The following METTL15 variants were observed in gnomAD, a reference collection of about 807,000 sequenced individuals.
METTL15 encodes 12S rRNA N(4)-cytidine methyltransferase METTL15.
METTL15 carries 34 observed loss-of-function variants against 38.3 expected under a neutral mutation model. That is an observed-to-expected ratio of 0.89 (90% CI 0.68 to 1.18). The LOEUF (loss-of-function observed/expected upper bound fraction) is 1.18, where lower values mean the gene tolerates loss of function less well. Among genes scored for constraint, METTL15 ranks in the 50% most tolerant of loss-of-function variants. The pLI is 0.00. For missense variants in METTL15, 438 were observed against 498.4 expected (o/e 0.88, Z 1.15); for synonymous variants, 162 against 170.9 (o/e 0.95, Z 0.41).
chr11:28,532,238 G>C, the METTL15 span, among the ~76,000 whole-genome samples: 1 of 151,916 alleles, frequency 6.6e-6, no homozygotes, highest in Non-Finnish European at 1.5e-5. Flanking sequence ...ATCACTTTTT[G>C]TTCCCTGTGT....
intron 3 of METTL15, among the ~76,000 whole-genome samples, chr11:28,193,547 CTA>C (rs1351374905): frequency 1.3e-5 from 2 of 152,058 alleles, no homozygotes; most frequent in African/African-American, 2.4e-5. Flanking sequence ...ACTTCCAACA[CTA>C]GGGATTACAA....
chr11:28,373,531 G>A (rs1850269859), intron 5 of METTL15, among the ~76,000 whole-genome samples: 1 of 152,178 alleles, frequency 6.6e-6, no homozygotes, highest in African/African-American at 2.4e-5. Context: ...GTTGTCAGAT[G>A]AGGAGGTTGC....
chr11:28,457,407 A>G (rs1057140104), intron 6 of METTL15, among the ~76,000 whole-genome samples: 2 of 152,224 alleles, frequency 1.3e-5, no homozygotes, highest in African/African-American at 2.4e-5. Flanking sequence ...GATCATGACA[A>G]TACTGTTTAT....
At chr11:28,377,560 C>G (rs1418044315) in intron 5 of METTL15, among the ~76,000 whole-genome samples, 2 of 151,430 alleles carry the variant, frequency 1.3e-5, no homozygotes, top group South Asian at 2.1e-4. Flanking sequence ...ATACATTCTT[C>G]TAAATTTTTT....
At chr11:28,233,640 G>A (rs1853790450) in intron 4 of METTL15, among the ~76,000 whole-genome samples, 1 of 151,902 alleles carries the variant, frequency 6.6e-6, no homozygotes, top group South Asian at 2.1e-4. Context: ...GCTAATTATT[G>A]TTACCATAAC....
chr11:28,207,864 C>T (rs1265477235), intron 3 of METTL15, among the ~76,000 whole-genome samples: 5 of 152,094 alleles, frequency 3.3e-5, no homozygotes, highest in African/African-American at 1.2e-4. Flanking sequence ...AGGAATTTAT[C>T]CATTTCTTCT....
chr11:28,481,316 C>T (rs1851393298), intron 6 of METTL15, among the ~76,000 whole-genome samples: 1 of 152,170 alleles, frequency 6.6e-6, no homozygotes, highest in Non-Finnish European at 1.5e-5. Flanking sequence ...ACCTCCAGAA[C>T]TACAGGACGA....
At chr11:28,301,135 C>G (rs1856899201) in intron 6 of METTL15, among the ~76,000 whole-genome samples, 1 of 152,136 alleles carries the variant, frequency 6.6e-6, no homozygotes, top group Non-Finnish European at 1.5e-5. Flanking sequence ...CCTGTCTTTT[C>G]ATCTTCCCCT....
intron 4 of METTL15, among the ~76,000 whole-genome samples, chr11:28,211,599 C>T (rs149434234): frequency 6.8e-4 from 103 of 152,040 alleles, no homozygotes; most frequent in African/African-American, 2.3e-3. Context: ...ACATATACAT[C>T]AACATAATAT....
chr11:28,146,960 G>A (rs549829373), intron 3 of METTL15, among the ~76,000 whole-genome samples: 1 of 151,962 alleles, frequency 6.6e-6, no homozygotes, highest in African/African-American at 2.4e-5. Context: ...TTTGCAAAGA[G>A]GGATTGATTA....
chr11:28,187,975 C>T (rs1321596251), intron 3 of METTL15, among the ~76,000 whole-genome samples: 1 of 151,204 alleles, frequency 6.6e-6, no homozygotes, highest in Non-Finnish European at 1.5e-5. Flanking sequence ...TTTAAATACG[C>T]AAGCATTGTT....
rs1307930123 is a variant in METTL15, at chr11:28,330,781, G to A, written c.1164G>A (p.Gln388=). The change falls in exon 7 of 7, where the codon CAG becomes CAA. Residue 388 remains glutamine, a synonymous_variant. Coordinates refer to ENST00000407364, the MANE Select transcript of METTL15 (RefSeq NM_001113528.2). The part of the protein sequence containing the change: ...IHKKVLSPQD[Q]DVQDNPRGRS... ...AGAAGGTACTTAGTCCACAAGATCAGGATGTACAAGATAACCCCAGAGGGC... is the reference window on the plus strand; with the variant it reads ...AGAAGGTACTTAGTCCACAAGATCAAGATGTACAAGATAACCCCAGAGGGC... 1.4e-5 allele frequency: 21 copies of A among 1,551,800 alleles called. No homozygotes were observed.
At chr11:28,507,811 C>G (rs1373948228) in intron 6 of METTL15, among the ~76,000 whole-genome samples, 1 of 152,188 alleles carries the variant, frequency 6.6e-6, no homozygotes, top group African/African-American at 2.4e-5. Flanking sequence ...TCTCAAGTCC[C>G]TGAGACCATC....
At chr11:28,287,183 T>TGTGTGG (rs1357795091) in intron 4 of METTL15, 1 of 215,030 alleles carries the variant, frequency 4.7e-6, no homozygotes, top group Non-Finnish European at 9.3e-6. Context: ...TGTGTGTGTG[T>TGTGTGG]GTGTGTGTGT....
chr11:28,320,611 C>T (rs1849433597), intron 6 of METTL15, among the ~76,000 whole-genome samples: 1 of 151,936 alleles, frequency 6.6e-6, no homozygotes, highest in Non-Finnish European at 1.5e-5. Context: ...GAAAACTAGG[C>T]ACAGGAGTAA....
chr11:28,189,502 T>A (rs1338419637), intron 3 of METTL15, among the ~76,000 whole-genome samples: 1 of 151,300 alleles, frequency 6.6e-6, no homozygotes, highest in Non-Finnish European at 1.5e-5. Context: ...TTTTATAAAC[T>A]TCTTGTAGCA....
In METTL15 at chr11:28,332,642, T is replaced by C. The variant is rs1323028409; in HGVS notation, c.*1801T>C. 6.7e-6 allele frequency: 1 copy of C among 149,406 alleles called. No homozygotes were observed. The highest frequency in any genetic ancestry group is 2.0e-4 in the East Asian group (1 of 5,038). The allele number at this position is 149,406 out of a possible 1,614,324, so 9.3% of individuals were successfully genotyped here. On this transcript the variant is annotated 3_prime_UTR_variant, in exon 7 of 7. Transcript: ENST00000407364. Reference sequence around the variant, plus strand: ...GGAGCAGGGCAGGCCCTTAATCCAATATGACTGGTGTTCCTTATAAGAGAA... The same window carrying C: ...GGAGCAGGGCAGGCCCTTAATCCAACATGACTGGTGTTCCTTATAAGAGAA...
intron 6 of METTL15, among the ~76,000 whole-genome samples, chr11:28,454,851 G>A (rs1273010157): frequency 6.6e-6 from 1 of 152,142 alleles, no homozygotes; most frequent in Non-Finnish European, 1.5e-5. Flanking sequence ...CTTCACTGGA[G>A]CACATTGGAA....
intron 6 of METTL15, among the ~76,000 whole-genome samples, chr11:28,459,869 C>T (rs1315587693): frequency 6.6e-6 from 1 of 151,966 alleles, no homozygotes; most frequent in Non-Finnish European, 1.5e-5. Context: ...TTTTTATGCT[C>T]TTATGTGTAT....
Sources: gnomAD v4.1 joint callset for allele counts (sites outside exome capture counted in the v4.1 genomes callset) on GRCh38, gnomAD v4.1.1 for gene constraint, MANE v1.5 for transcripts, NCBI Gene and HGNC (gene_info 2026-07-23, HGNC 2026-07-21) for gene names.